The following LRP2BP variants were observed in gnomAD, a reference collection of about 807,000 sequenced individuals.
LRP2BP encodes the protein LRP2-binding protein.
Under a neutral mutation model 45.2 loss-of-function variants are expected in LRP2BP, and 38 were observed. That is an observed-to-expected ratio of 0.84 (90% confidence interval 0.65 to 1.10). The LOEUF is 1.10. Among genes scored for constraint, LRP2BP ranks in the 50% least tolerant of loss-of-function variants. The probability of loss-of-function intolerance (pLI) is 0.00; values close to 1 mark genes in which losing one functional copy is unlikely to be tolerated. For missense variants in LRP2BP, 385 were observed against 418.9 expected (o/e 0.92, Z 0.71); for synonymous variants, 153 against 153.9 (o/e 0.99, Z 0.04).
At chr4:185,375,767 T>C in intron 3 of LRP2BP, 41 bp from the exon 4 acceptor site, 1 of 1,375,496 alleles carries the variant, frequency 7.3e-7, no homozygotes, top group Non-Finnish European at 1.0e-6. Context: ...TTTATTATGA[T>C]CTTAAAGTAA....
chr4:185,371,542 A>G (rs937475052), intron 7 of LRP2BP, among the ~76,000 whole-genome samples: 5 of 7,670 alleles, frequency 6.5e-4, no homozygotes, highest in Non-Finnish European at 2.4e-3. Context: ...ACTCCGTCTA[A>G]AAAAAAAAAA....
intron 1 of LRP2BP, among the ~76,000 whole-genome samples, chr4:185,390,284 G>A (rs2095484644): frequency 1.3e-5 from 2 of 152,178 alleles, no homozygotes; most frequent in Admixed American, 1.3e-4. Context: ...GCCAAGGCAG[G>A]TGGATCATTT....
intron 1 of LRP2BP, among the ~76,000 whole-genome samples, chr4:185,379,469 AATCAGAAAACAATACCTT>A (rs2095448929): frequency 6.6e-6 from 1 of 152,354 alleles, no homozygotes; most frequent in Non-Finnish European, 1.5e-5. Flanking sequence ...AAATGAAACA[AATCAGAAAACAATACCTT>A]ACTTTGTTTA....
upstream of LRP2BP, chr4:185,396,832 G>A (rs1383631390): frequency 1.0e-5 from 14 of 1,391,678 alleles, no homozygotes; most frequent in Admixed American, 3.4e-5. Flanking sequence ...CCCGTGCTAG[G>A]GCCAGCCTGC....
At chr4:185,386,830 A>C (rs1345734615) in intron 1 of LRP2BP, among the ~76,000 whole-genome samples, 1 of 152,204 alleles carries the variant, frequency 6.6e-6, no homozygotes, top group East Asian at 1.9e-4. Flanking sequence ...AGCACTACGA[A>C]GGCCACTGAG....
intron 1 of LRP2BP, among the ~76,000 whole-genome samples, chr4:185,386,454 C>T (rs183477137): frequency 6.6e-6 from 1 of 152,296 alleles, no homozygotes; most frequent in Admixed American, 6.5e-5. Context: ...ATTTTAAATA[C>T]TAATTTTAAA....
In LRP2BP at chr4:185,370,803, T is replaced by C; in HGVS notation, c.815A>G (p.Tyr272Cys). 2 of 1,614,124 alleles carry C rather than the reference T, an allele frequency of 1.2e-6. No homozygotes were observed. Among genetic ancestry groups the C allele is most frequent in the Non-Finnish European group, 8.5e-7 (1 of 1,180,012 alleles). Reference protein sequence around the residue: ...CVAFSKRIADYDEVHDIPMIA... With the variant: ...CVAFSKRIADCDEVHDIPMIA... ...CATGGGGATGTCGTGAACCTCATCA[T>C]AGTCAGCGATCCTGAGAGGATGTAG... is the stretch of plus-strand genomic sequence containing the variant. The change falls in exon 8 of 9, where the codon TAT (tyrosine) becomes TGT (cysteine). Residue 272 changes from tyrosine (Y) to cysteine (C), a missense_variant. Transcript: ENST00000505916.
intron 3 of LRP2BP, among the ~76,000 whole-genome samples, chr4:185,376,077 T>C (rs1172050459): frequency 6.6e-6 from 1 of 152,050 alleles, no homozygotes; most frequent in Non-Finnish European, 1.5e-5. Flanking sequence ...GGGAAGTCAA[T>C]GAAAAACCGA....
chr4:185,396,018 G>T, upstream of LRP2BP: 1 of 585,068 alleles, frequency 1.7e-6, no homozygotes, highest in Non-Finnish European at 2.2e-6. Flanking sequence ...CGCGGGGCCG[G>T]ACAGCGGCTT....
intron 8 of LRP2BP, chr4:185,369,873 A>G (rs1207465014): frequency 5.2e-6 from 2 of 383,216 alleles, no homozygotes; most frequent in Non-Finnish European, 1.0e-5. Flanking sequence ...AAGCTTGGGA[A>G]CCACTGCTGT....
At chr4:185,369,777 C>T (rs2095408692) in intron 8 of LRP2BP, 3 of 445,588 alleles carry the variant, frequency 6.7e-6, no homozygotes. Context: ...GCTTCTGTCT[C>T]CTAGAGACCA....
At chr4:185,391,785 C>T (rs1182558427) in intron 1 of LRP2BP, among the ~76,000 whole-genome samples, 2 of 152,154 alleles carry the variant, frequency 1.3e-5, no homozygotes, top group Non-Finnish European at 2.9e-5. Context: ...GTTTCTTTCA[C>T]TAGAGAATGG....
At chr4:185,371,333 A>G (rs1450902494) in intron 7 of LRP2BP, among the ~76,000 whole-genome samples, 1 of 151,966 alleles carries the variant, frequency 6.6e-6, no homozygotes, top group Non-Finnish European at 1.5e-5. Flanking sequence ...AGGTTAGGAG[A>G]TTGAGACCAT....
At chr4:185,371,157 C>A (rs2095413395) in intron 7 of LRP2BP, 2 of 199,360 alleles carry the variant, frequency 1.0e-5, no homozygotes, top group Non-Finnish European at 2.1e-5. Context: ...TTTTCTATTT[C>A]TTTGGATCAC....
At chr4:185,376,444 T>C (rs1296618764) in intron 3 of LRP2BP, among the ~76,000 whole-genome samples, 2 of 60,974 alleles carry the variant, frequency 3.3e-5, no homozygotes, top group African/African-American at 2.4e-4. Context: ...GCCCAGCTAC[T>C]TTTTTTTTTT....
intron 1 of LRP2BP, among the ~76,000 whole-genome samples, chr4:185,390,375 T>C (rs1189195209): frequency 2.6e-5 from 4 of 151,898 alleles, no homozygotes; most frequent in Admixed American, 2.6e-4. Flanking sequence ...ATAAAATAGC[T>C]GGGCGTAGTA....
At position 185,370,704 on chromosome 4, in the gene LRP2BP, C is replaced by T. The variant is rs1202491954; in HGVS notation, c.914G>A (p.Arg305Lys). ...GMAMASFYHA[R>K]CLQLGLGITR... ...GATGCCCAAGCCAAGCTGAAGACAC[C>T]TTGCGTGGTAGAAGGATGCCATTGC... The change falls in exon 8 of 9, where the codon AGG becomes AAG. Residue 305 changes from arginine (R) to lysine (K), a missense_variant. Arg to Lys is a conservative substitution (Grantham distance 26). Transcript: ENST00000505916. 6.2e-7 allele frequency: 1 copy of T among 1,613,940 alleles called. No individual in the cohort carries two copies. The highest frequency in any genetic ancestry group is 1.7e-5 in the Admixed American group (1 of 60,012).
intron 2 of LRP2BP, 83 bp from the exon 3 acceptor site, chr4:185,377,101 C>A: frequency 1.0e-6 from 1 of 983,696 alleles, no homozygotes; most frequent in Non-Finnish European, 1.6e-6. Flanking sequence ...TAAAATCCAT[C>A]TAACACTGTT....
intron 1 of LRP2BP, among the ~76,000 whole-genome samples, chr4:185,379,276 G>A (rs2095448147): frequency 6.6e-6 from 1 of 152,124 alleles, no homozygotes; most frequent in Non-Finnish European, 1.5e-5. Context: ...CTTTACTTAG[G>A]GTGAAGCAAT....
Sources: gnomAD v4.1 joint callset for allele counts (sites outside exome capture counted in the v4.1 genomes callset) on GRCh38, gnomAD v4.1.1 for gene constraint, MANE v1.5 for transcripts, NCBI Gene and HGNC (gene_info 2026-07-23, HGNC 2026-07-21) for gene names.